CSMD2: variants seen among roughly 807,000 people sequenced by gnomAD.
CSMD2 encodes the protein CUB and Sushi multiple domains 2.
CSMD2 carries 130 observed loss-of-function variants against 398.5 expected under a neutral mutation model. The observed-to-expected ratio is 0.33, with a 90% CI of 0.28 to 0.38. The LOEUF is 0.38. Among genes scored for constraint, CSMD2 ranks in the 10% least tolerant of loss-of-function variants. CSMD2 has a pLI of 1.00. For missense variants in CSMD2, 3,829 were observed against 4,764.9 expected, an observed-to-expected ratio of 0.80 and a Z score of 5.78; for synonymous variants, 1,828 against 1,908.5, an observed-to-expected ratio of 0.96 and a Z score of 1.10.
intron 5 of CSMD2, among the ~76,000 whole-genome samples, chr1:33,913,538 C>G (rs1032591225): frequency 6.6e-6 from 1 of 152,192 alleles, no homozygotes; most frequent in Non-Finnish European, 1.5e-5. Context: ...GCAGTTGCCA[C>G]GTTTCACCCT....
rs528793910 is a variant in CSMD2, at chr1:34,160,363, C to T, written c.187+4548G>A. ...ACACACTGGTGACTGAGTAGTGAAA[C>T]GCCTTTCCTTGGCTCAGGGTTGGAG... On this transcript the variant is annotated intron_variant, in intron 1 of 70. Coordinates refer to ENST00000373381, the MANE Select transcript of CSMD2 (RefSeq NM_001281956.2). 4.3e-4 allele frequency among the ~76,000 whole-genome samples: 65 copies of T among 152,278 alleles called. No individual in the cohort carries two copies. In the South Asian group the frequency reaches 0.012, roughly 29 times the overall value.
intron 2 of CSMD2, among the ~76,000 whole-genome samples, chr1:34,060,474 G>A (rs1004584177): frequency 6.6e-6 from 1 of 152,162 alleles, no homozygotes; most frequent in Non-Finnish European, 1.5e-5. Flanking sequence ...AGGATGCAGG[G>A]CCCCTGGGGG....
chr1:33,651,193 G>A (rs1313959605), intron 28 of CSMD2, among the ~76,000 whole-genome samples: 1 of 152,098 alleles, frequency 6.6e-6, no homozygotes, highest in Non-Finnish European at 1.5e-5. Flanking sequence ...ATTTAGATGG[G>A]AAATGATAGG....
intron 3 of CSMD2, among the ~76,000 whole-genome samples, chr1:33,969,823 A>G (rs1645690739): frequency 6.6e-6 from 1 of 152,108 alleles, no homozygotes; most frequent in East Asian, 1.9e-4. Flanking sequence ...ATGAAAAGGC[A>G]GAAATTCAGC....
rs1223582877 is a variant in CSMD2, at chr1:33,658,071, C to T, written c.4322G>A (p.Trp1441Ter). ...PQNGSRSGDS[W>*]EAGDSTVFQC... ...GAACACTGTGGAGTCGCCGGCTTCCCAACTGTCACCACTCCGACTCCCATT... is the reference window on the plus strand; with the variant it reads ...GAACACTGTGGAGTCGCCGGCTTCCTAACTGTCACCACTCCGACTCCCATT... The change falls in exon 27 of 71, where the codon TGG becomes TAG. Residue 1441 changes from tryptophan (W) to a stop codon, truncating the protein, a stop_gained. Transcript: ENST00000373381. LOFTEE classifies it high-confidence loss of function. 1 of 1,614,072 alleles carries T rather than the reference C, an allele frequency of 6.2e-7. No homozygotes were observed. Among genetic ancestry groups the T allele is most frequent in the Non-Finnish European group, 8.5e-7 (1 of 1,180,044 alleles).
intron 3 of CSMD2, among the ~76,000 whole-genome samples, chr1:33,988,166 A>T (rs1247013227): frequency 6.6e-6 from 1 of 152,224 alleles, no homozygotes; most frequent in Admixed American, 6.5e-5. Flanking sequence ...GGCTTAATAC[A>T]TACCTTTTAA....
intron 1 of CSMD2, among the ~76,000 whole-genome samples, chr1:34,126,966 A>G (rs1486979344): frequency 6.6e-6 from 1 of 152,122 alleles, no homozygotes; most frequent in Non-Finnish European, 1.5e-5. Context: ...GCAGATAGAA[A>G]AAGAGACACA....
intron 10 of CSMD2, among the ~76,000 whole-genome samples, chr1:33,808,927 A>G (rs1656538047): frequency 6.6e-6 from 1 of 151,828 alleles, no homozygotes; most frequent in Non-Finnish European, 1.5e-5. Context: ...AAGAGATAGT[A>G]TGTATAACTT....
chr1:33,637,543 TG>T (rs1642877297), intron 29 of CSMD2, among the ~76,000 whole-genome samples: 1 of 152,212 alleles, frequency 6.6e-6, no homozygotes, highest in Non-Finnish European at 1.5e-5. Context: ...GAGCAGCAAC[TG>T]GGAGCCCATG....
At chr1:33,698,476 T>G (rs1645495747) in intron 24 of CSMD2, among the ~76,000 whole-genome samples, 2 of 152,268 alleles carry the variant, frequency 1.3e-5, no homozygotes, top group African/African-American at 4.8e-5. Flanking sequence ...CGCGTTACAA[T>G]TTTGAGGGCA....
intron 20 of CSMD2, among the ~76,000 whole-genome samples, chr1:33,715,302 CA>C (rs1646130491): frequency 6.6e-6 from 1 of 151,984 alleles, no homozygotes; most frequent in African/African-American, 2.4e-5. Flanking sequence ...GAAGACACTC[CA>C]AATGCCTGAC....
chr1:33,578,310 G>A (rs1409189982), intron 48 of CSMD2, among the ~76,000 whole-genome samples: 1 of 152,210 alleles, frequency 6.6e-6, no homozygotes, highest in Non-Finnish European at 1.5e-5. Flanking sequence ...CCTGGCCTGG[G>A]CTCACGCCAG....
At position 33,897,264 on chromosome 1, in the gene CSMD2, C is replaced by T. The variant is rs80102846; in HGVS notation, c.920+20830G>A. ...CCTCTCATGTGAAGTCTACAAACGC[C>T]GGCTCAGTGCTAGGTGGCCAGCAAA... On this transcript the variant is annotated intron_variant, in intron 5 of 70. Coordinates refer to ENST00000373381, the MANE Select transcript of CSMD2 (RefSeq NM_001281956.2). Among the ~76,000 whole-genome samples, 55 of 152,158 alleles carry T rather than the reference C, an allele frequency of 3.6e-4. 1 individual carries two copies. In the East Asian group the frequency reaches 6.2e-3, roughly 17 times the overall value.
intron 5 of CSMD2, among the ~76,000 whole-genome samples, chr1:33,856,965 G>A (rs1027103863): frequency 7.2e-5 from 11 of 151,824 alleles, no homozygotes; most frequent in African/African-American, 2.4e-4. Context: ...ACAATTCTTG[G>A]CCCTGCCATA....
intron 25 of CSMD2, among the ~76,000 whole-genome samples, chr1:33,667,351 C>T (rs1184200124): frequency 1.3e-5 from 2 of 152,162 alleles, no homozygotes; most frequent in African/African-American, 4.8e-5. Context: ...CACATTAGCC[C>T]ATGGAGTCCA....
At chr1:33,652,664 G>A (rs72890891) in intron 27 of CSMD2, among the ~76,000 whole-genome samples, 2,604 of 152,222 alleles carry the variant, frequency 0.017, 56 homozygotes, top group African/African-American at 0.056. Context: ...TGGTGGTTGC[G>A]CAACATTTCG....
chr1:33,609,396 A>T (rs1640848045), intron 41 of CSMD2, among the ~76,000 whole-genome samples: 1 of 152,222 alleles, frequency 6.6e-6, no homozygotes, highest in Non-Finnish European at 1.5e-5. Flanking sequence ...CAACTCTCAG[A>T]AAGCTGCATA....
rs1025866554 is a variant in CSMD2 at position 33,624,912 on chromosome 1, G to A, written c.5500+139C>T. ...ACAGCGCCGGGGACTGGGGTTGACTGGGACACCCCACCTCAGCCATGCGGT... is the reference window on the plus strand; with the variant it reads ...ACAGCGCCGGGGACTGGGGTTGACTAGGACACCCCACCTCAGCCATGCGGT... On this transcript the variant is annotated intron_variant, in intron 34 of 70. Coordinates refer to ENST00000373381, the MANE Select transcript of CSMD2 (RefSeq NM_001281956.2). The surrounding 1 kb of genome is among the most constrained non-coding windows in gnomAD (Gnocchi z 4.7). 1.8e-5 allele frequency: 17 copies of A among 951,740 alleles called. No homozygotes were observed. The Admixed American group carries it at 2.4e-4, about 13-fold the overall frequency. The allele number at this position is 951,740 out of a possible 1,614,324, so 59.0% of individuals were successfully genotyped here. A position where few individuals can be genotyped will look rare whatever the true frequency, so the allele number is the denominator to read the frequency against.
At chr1:33,767,786 C>T (rs1327917436) in intron 13 of CSMD2, among the ~76,000 whole-genome samples, 1 of 152,194 alleles carries the variant, frequency 6.6e-6, no homozygotes, top group East Asian at 1.9e-4. Context: ...TTTGTTGCTT[C>T]ATACAGGTAA....
Sources: gnomAD v4.1 joint callset for allele counts (sites outside exome capture counted in the v4.1 genomes callset) on GRCh38, gnomAD v4.1.1 for gene constraint, Gnocchi (gnomAD v3.1) non-coding constraint, MANE v1.5 for transcripts, NCBI Gene and HGNC (gene_info 2026-07-23, HGNC 2026-07-21) for gene names.